The following HDAC9 variants were observed in gnomAD, a reference collection of about 807,000 sequenced individuals.
The protein encoded by HDAC9 is MEF-2 interacting transcription repressor (MITR) protein.
A neutral mutation model predicts 139.4 loss-of-function variants in HDAC9; 41 were observed. The observed-to-expected ratio is 0.29, with a 90% confidence interval of 0.23 to 0.38. The LOEUF is 0.38. Ranked by LOEUF, HDAC9 falls within the 10% of genes least tolerant of loss-of-function variation. HDAC9 has a pLI of 1.00. For missense variants in HDAC9, 1,147 were observed against 1,297.0 expected, an observed-to-expected ratio of 0.88 and a Z score of 1.78; for synonymous variants, 517 against 476.2, an observed-to-expected ratio of 1.09 and a Z score of -1.12.
Position 18,601,307 on chromosome 7 carries a change from A to T in HDAC9, c.664+7278A>T, listed in dbSNP as rs143576193. On this transcript the variant is annotated intron_variant, in intron 6 of 25. Coordinates refer to ENST00000686413, the MANE Select transcript of HDAC9 (RefSeq NM_178425.4). ...ATATAGGAAAGCAGCTGACTTTTGT[A>T]TATTAACTTTCTATCTTGCCAATTG... Among the ~76,000 whole-genome samples the T allele has an allele frequency of 2.0e-5, 3 of 152,340 alleles. No homozygotes were observed. The East Asian group carries it at 5.8e-4, about 29-fold the overall frequency.
chr7:18,159,618 A>G (rs1399370608), intron 1 of HDAC9, among the ~76,000 whole-genome samples: 1 of 152,184 alleles, frequency 6.6e-6, no homozygotes. Flanking sequence ...ATGTGCACAT[A>G]TGTACAGCAG....
chr7:18,725,333 C>T (rs927264452), intron 12 of HDAC9, among the ~76,000 whole-genome samples: 3 of 152,060 alleles, frequency 2.0e-5, no homozygotes, highest in African/African-American at 4.8e-5. Context: ...CTGCAGCCCT[C>T]GGAATGATAT....
In HDAC9 at chr7:18,994,967, G is replaced by A. The variant is rs576676811; in HGVS notation, c.3171-1056G>A. On this transcript the variant is annotated intron_variant, in intron 25 of 25. Coordinates refer to ENST00000686413, the MANE Select transcript of HDAC9 (RefSeq NM_178425.4). ...ATCATCCAAATATTTTTTCCTTCTG[G>A]TAGCAAAGGCATAACTCTGCATTTG... 3.3e-5 allele frequency among the ~76,000 whole-genome samples: 5 copies of A among 152,200 alleles called. No homozygotes were observed. In the East Asian group the frequency reaches 7.7e-4, roughly 24 times the overall value.
intron 12 of HDAC9, among the ~76,000 whole-genome samples, chr7:18,675,482 C>T (rs1781442508): frequency 6.6e-6 from 1 of 151,968 alleles, no homozygotes; most frequent in African/African-American, 2.4e-5. Context: ...TGAGTACTAG[C>T]ATAATGGGTA....
intron 1 of HDAC9, among the ~76,000 whole-genome samples, chr7:18,345,572 C>CAA (rs35183114): frequency 2.5e-4 from 31 of 123,412 alleles, no homozygotes; most frequent in African/African-American, 3.4e-4. Context: ...CAACAGAAGA[C>CAA]AAAAAAAAAA....
chr7:18,520,361 G>T (rs1355159856), intron 2 of HDAC9, among the ~76,000 whole-genome samples: 2 of 151,942 alleles, frequency 1.3e-5, no homozygotes, highest in Admixed American at 6.6e-5. Flanking sequence ...GAAGAAATAG[G>T]TTACCTGTTA....
chr7:18,417,373 CTG>C (rs1424470339), intron 1 of HDAC9, among the ~76,000 whole-genome samples: 1 of 152,144 alleles, frequency 6.6e-6, no homozygotes, highest in African/African-American at 2.4e-5. Context: ...CTATTAACAT[CTG>C]TTTCAGTGCT....
intron 1 of HDAC9, among the ~76,000 whole-genome samples, chr7:18,405,911 C>G (rs138107818): frequency 8.3e-4 from 126 of 152,306 alleles, no homozygotes; most frequent in African/African-American, 2.9e-3. Context: ...CTGCAATTGC[C>G]TGGCAGTTCC....
chr7:18,954,027 A>T, intron 23 of HDAC9, 119 bp from the exon 24 acceptor site: 1 of 681,794 alleles, frequency 1.5e-6, no homozygotes, highest in African/African-American at 1.8e-5. Flanking sequence ...GCAAAATGTT[A>T]ACTAGTTCTC....
chr7:18,604,137 T>C (rs1281609021), intron 6 of HDAC9, among the ~76,000 whole-genome samples: 1 of 152,166 alleles, frequency 6.6e-6, no homozygotes, highest in African/African-American at 2.4e-5. Context: ...CTGAGATTCC[T>C]GTATCTATGG....
intron 6 of HDAC9, among the ~76,000 whole-genome samples, chr7:18,623,899 A>G (rs1840909215): frequency 6.6e-6 from 1 of 152,160 alleles, no homozygotes; most frequent in Admixed American, 6.5e-5. Flanking sequence ...AGATCACGGC[A>G]CTGCATTCCA....
At chr7:18,520,337 A>G (rs1804628063) in intron 2 of HDAC9, among the ~76,000 whole-genome samples, 1 of 152,106 alleles carries the variant, frequency 6.6e-6, no homozygotes, top group South Asian at 2.1e-4. Flanking sequence ...ACTTAGTTAT[A>G]TATCACAACT....
chr7:18,268,694 A>G (rs1010051764), intron 2 of HDAC9, among the ~76,000 whole-genome samples: 1 of 152,162 alleles, frequency 6.6e-6, no homozygotes, highest in Non-Finnish European at 1.5e-5. Flanking sequence ...GCAGTGAGCC[A>G]TTTTGCCCTT....
At chr7:18,508,916 C>A (rs1192218177) in intron 2 of HDAC9, among the ~76,000 whole-genome samples, 1 of 152,164 alleles carries the variant, frequency 6.6e-6, no homozygotes, top group Non-Finnish European at 1.5e-5. Context: ...AGAATCATAA[C>A]TTCCCAAGAA....
Position 18,999,544 on chromosome 7 carries a change from C to A in HDAC9, c.*3482C>A, listed in dbSNP as rs527936864. 3.9e-4 allele frequency: 59 copies of A among 152,384 alleles called. No homozygotes were observed. Among genetic ancestry groups the A allele is most frequent in the African/African-American group, 1.4e-3 (57 of 41,562 alleles). The allele number at this position is 152,384 out of a possible 1,614,324, so 9.4% of individuals were successfully genotyped here. ...CAATCTCGACTCACTGCAACCTCCGCCTCCCGGGTTCAAGCAATTCTCCTG... is the reference window on the plus strand; with the variant it reads ...CAATCTCGACTCACTGCAACCTCCGACTCCCGGGTTCAAGCAATTCTCCTG... On this transcript the variant is annotated 3_prime_UTR_variant, in exon 26 of 26. Transcript: ENST00000686413.
chr7:18,283,200 A>G (rs1400900785), intron 2 of HDAC9, among the ~76,000 whole-genome samples: 1 of 152,148 alleles, frequency 6.6e-6, no homozygotes, highest in Non-Finnish European at 1.5e-5. Context: ...ACTTACAATC[A>G]TGGTGGAAGG....
At chr7:18,606,129 T>C (rs1835435822) in intron 6 of HDAC9, among the ~76,000 whole-genome samples, 1 of 152,212 alleles carries the variant, frequency 6.6e-6, no homozygotes, top group Admixed American at 6.5e-5. Context: ...TCAGCTGTGA[T>C]TTTCTGTATT....
chr7:18,784,131 A>G (rs775872565), intron 16 of HDAC9, among the ~76,000 whole-genome samples: 3 of 59,308 alleles, frequency 5.1e-5, no homozygotes, highest in Non-Finnish European at 4.7e-5. Context: ...TATTATTATT[A>G]TTATTATTTG....
intron 1 of HDAC9, among the ~76,000 whole-genome samples, chr7:18,313,115 C>T (rs563191914): frequency 3.1e-4 from 47 of 152,148 alleles, no homozygotes; most frequent in South Asian, 8.3e-4. Context: ...TTCAGCTTTA[C>T]GAAGAAAACA....
Sources: allele counts gnomAD v4.1 joint callset (sites outside exome capture counted in the v4.1 genomes callset), GRCh38; gene constraint gnomAD v4.1.1; transcripts MANE v1.5; gene names NCBI Gene and HGNC (gene_info 2026-07-23, HGNC 2026-07-21).